The following RCOR1 variants were observed in gnomAD, a reference collection of about 807,000 sequenced individuals.
The protein encoded by RCOR1 is REST corepressor.
Under a neutral mutation model 64.0 loss-of-function variants are expected in RCOR1, and 12 were observed. That is an observed-to-expected ratio of 0.19 (90% confidence interval 0.12 to 0.30). The LOEUF is 0.30. Ranked by LOEUF, RCOR1 falls within the 10% of genes least tolerant of loss-of-function variation. The pLI is 1.00. For synonymous variants in RCOR1, 279 were observed against 227.2 expected, an observed-to-expected ratio of 1.23 and a Z score of -2.05; for missense variants, 502 against 621.2, an observed-to-expected ratio of 0.81 and a Z score of 2.04.
chr14:102,635,929 C>CA (rs1232361667), intron 2 of RCOR1, among the ~76,000 whole-genome samples: 2 of 152,190 alleles, frequency 1.3e-5, no homozygotes, highest in East Asian at 3.9e-4. Context: ...CAGTGAGAAA[C>CA]ATAAAAGTTT....
intron 2 of RCOR1, among the ~76,000 whole-genome samples, chr14:102,604,726 A>C (rs1389225529): frequency 1.3e-5 from 2 of 152,190 alleles, no homozygotes; most frequent in Non-Finnish European, 2.9e-5. Flanking sequence ...ATTCTGATTT[A>C]TAAGTATAAT....
intron 2 of RCOR1, among the ~76,000 whole-genome samples, chr14:102,614,855 G>T (rs1203681877): frequency 2.9e-4 from 43 of 148,828 alleles, no homozygotes; most frequent in African/African-American, 1.0e-3. Flanking sequence ...TTTTTGAGAC[G>T]GAGTCTCGCT....
chr14:102,631,356 C>A (rs912098459), intron 2 of RCOR1, among the ~76,000 whole-genome samples: 1 of 151,824 alleles, frequency 6.6e-6, no homozygotes, highest in Non-Finnish European at 1.5e-5. Context: ...GCACCCGCCA[C>A]CATGCCCAGC....
At position 102,637,687 on chromosome 14, in the gene RCOR1, C is replaced by T. The variant is rs575934041; in HGVS notation, c.362-44208C>T. On this transcript the variant is annotated intron_variant, in intron 2 of 11. Transcript: ENST00000262241. ...TAGTCTCGAACTTAGGAGTTCAAAA[C>T]GATTTGCCTGCCTTGGCCTCTTCAA... is the stretch of plus-strand genomic sequence containing the variant. Among the ~76,000 whole-genome samples, 58 of 151,364 alleles carry T rather than the reference C, an allele frequency of 3.8e-4. No individual in the cohort carries two copies. The South Asian group carries it at 0.011, about 29-fold the overall frequency.
chr14:102,634,598 T>A (rs1567415898), intron 2 of RCOR1, among the ~76,000 whole-genome samples: 1 of 56,708 alleles, frequency 1.8e-5, no homozygotes, highest in Admixed American at 1.5e-4. Flanking sequence ...CATGTTTATA[T>A]TACGTGTGTG....
intron 7 of RCOR1, among the ~76,000 whole-genome samples, chr14:102,712,348 A>G (rs1895977629): frequency 6.6e-6 from 1 of 151,020 alleles, no homozygotes; most frequent in African/African-American, 2.4e-5. Context: ...ACGCCCTGCT[A>G]GGTTTTTTTT....
At chr14:102,632,645 TTTCC>T (rs1567415139) in intron 2 of RCOR1, among the ~76,000 whole-genome samples, 6 of 63,384 alleles carry the variant, frequency 9.5e-5, no homozygotes, top group African/African-American at 2.9e-4. Context: ...TTTCCTTTCC[TTTCC>T]TTTCCTTTCC....
chr14:102,725,871 G>T (rs372865114), intron 11 of RCOR1, among the ~76,000 whole-genome samples: 2 of 152,064 alleles, frequency 1.3e-5, no homozygotes, highest in African/African-American at 4.8e-5. Context: ...GTGCCGGGCC[G>T]TTTTCAGGCA....
At chr14:102,629,032 T>C (rs534586877) in intron 2 of RCOR1, among the ~76,000 whole-genome samples, 33 of 152,228 alleles carry the variant, frequency 2.2e-4, no homozygotes, top group African/African-American at 7.7e-4. Flanking sequence ...TAGCTGGGAC[T>C]ACAGGCGTGC....
At chr14:102,720,512 A>T (rs1051174832) in intron 8 of RCOR1, among the ~76,000 whole-genome samples, 2 of 152,220 alleles carry the variant, frequency 1.3e-5, no homozygotes, top group African/African-American at 4.8e-5. Context: ...CATTAAAGAA[A>T]TCTATGCTTG....
intron 2 of RCOR1, among the ~76,000 whole-genome samples, chr14:102,616,894 G>T (rs945271393): frequency 6.6e-6 from 1 of 152,192 alleles, no homozygotes; most frequent in Non-Finnish European, 1.5e-5. Context: ...CCTCCTTGGA[G>T]GTTGAGGTGG....
intron 4 of RCOR1, among the ~76,000 whole-genome samples, chr14:102,704,338 G>T (rs1895807432): frequency 6.6e-6 from 1 of 152,200 alleles, no homozygotes; most frequent in African/African-American, 2.4e-5. Context: ...GCTCTAGAAG[G>T]TTGAGAGCAA....
chr14:102,631,865 A>G (rs35451705), intron 2 of RCOR1, among the ~76,000 whole-genome samples: 10,768 of 151,904 alleles, frequency 0.071, 609 homozygotes, highest in African/African-American at 0.15. Flanking sequence ...CGGTGGCGCG[A>G]TCTCGTCTCA....
chr14:102,679,434 A>G (rs897209658), intron 2 of RCOR1, among the ~76,000 whole-genome samples: 4 of 150,276 alleles, frequency 2.7e-5, no homozygotes, highest in African/African-American at 9.8e-5. Context: ...TTGATCCTGT[A>G]TGTGTGGTTC....
At chr14:102,705,016 C>T (rs988111392) in intron 4 of RCOR1, among the ~76,000 whole-genome samples, 4 of 152,194 alleles carry the variant, frequency 2.6e-5, no homozygotes, top group Non-Finnish European at 2.9e-5. Flanking sequence ...GTCTCAATTA[C>T]TCTGGAGGTT....
At chr14:102,716,406 C>T (rs1896070657) in intron 8 of RCOR1, among the ~76,000 whole-genome samples, 1 of 152,130 alleles carries the variant, frequency 6.6e-6, no homozygotes, top group African/African-American at 2.4e-5. Context: ...TCTTAGTCTT[C>T]TGAGGTTAGT....
chr14:102,610,031 G>A (rs1893593366), intron 2 of RCOR1, among the ~76,000 whole-genome samples: 1 of 151,958 alleles, frequency 6.6e-6, no homozygotes. Context: ...TCGGGAGGCT[G>A]AGGCAGGAGA....
At chr14:102,610,358 T>C (rs1457832035) in intron 2 of RCOR1, among the ~76,000 whole-genome samples, 6 of 152,116 alleles carry the variant, frequency 3.9e-5, no homozygotes, top group Non-Finnish European at 7.4e-5. Context: ...GAAATTTAAA[T>C]TAATTAAAAT....
At chr14:102,654,833 C>T (rs1463944100) in intron 2 of RCOR1, among the ~76,000 whole-genome samples, 2 of 118,428 alleles carry the variant, frequency 1.7e-5, no homozygotes, top group African/African-American at 6.8e-5. Flanking sequence ...TTTTTTGAGA[C>T]AAGATCTCTT....
Sources: allele counts gnomAD v4.1 joint callset (sites outside exome capture counted in the v4.1 genomes callset), GRCh38; gene constraint gnomAD v4.1.1; transcripts MANE v1.5; gene names NCBI Gene and HGNC (gene_info 2026-07-23, HGNC 2026-07-21).